Variants in ZEB1 observed in about 807,000 individuals in gnomAD.
ZEB1 encodes zinc finger E-box binding homeobox 1.
ZEB1 carries 21 observed loss-of-function variants against 84.9 expected under a neutral mutation model. The observed-to-expected ratio is 0.25, with a 90% CI of 0.18 to 0.36. The LOEUF is 0.36. ZEB1 is among the 10% of genes least tolerant of loss of function. The pLI is 1.00. For synonymous variants in ZEB1, 420 were observed against 471.1 expected, an observed-to-expected ratio of 0.89 and a Z score of 1.41; for missense variants, 1,104 against 1,330.2, an observed-to-expected ratio of 0.83 and a Z score of 2.65.
At chr10:31,342,441 A>G (rs901762887) in intron 1 of ZEB1, among the ~76,000 whole-genome samples, 1 of 152,100 alleles carries the variant, frequency 6.6e-6, no homozygotes, top group Admixed American at 6.6e-5. Flanking sequence ...ATCAGAGAGT[A>G]AAATGGTGGA....
intron 1 of ZEB1, among the ~76,000 whole-genome samples, chr10:31,417,765 A>G (rs2055466076): frequency 6.6e-6 from 1 of 152,002 alleles, no homozygotes; most frequent in African/African-American, 2.4e-5. Flanking sequence ...TGGTACTTTG[A>G]ACATAATAGG....
chr10:31,457,126 G>GTGA (rs2061330425), intron 1 of ZEB1, among the ~76,000 whole-genome samples: 1 of 152,126 alleles, frequency 6.6e-6, no homozygotes, highest in Non-Finnish European at 1.5e-5. Flanking sequence ...GAATCAAGAT[G>GTGA]TGATGATCAC....
At chr10:31,435,773 C>T (rs1343931731) in intron 1 of ZEB1, among the ~76,000 whole-genome samples, 1 of 152,120 alleles carries the variant, frequency 6.6e-6, no homozygotes, top group African/African-American at 2.4e-5. Context: ...CAATGGAAAG[C>T]CATTGAAAGG....
intron 1 of ZEB1, among the ~76,000 whole-genome samples, chr10:31,339,394 ATG>A (rs1258692268): frequency 1.3e-5 from 2 of 152,140 alleles, no homozygotes; most frequent in East Asian, 3.8e-4. Context: ...CTCTTTGCAC[ATG>A]TGTGGCATAT....
chr10:31,496,398 A>T (rs2067241115), intron 3 of ZEB1, among the ~76,000 whole-genome samples: 1 of 152,054 alleles, frequency 6.6e-6, no homozygotes, highest in African/African-American at 2.4e-5. Context: ...AAACAAGGAA[A>T]TTTGCTTTTA....
chr10:31,362,445 C>T (rs558251603), intron 1 of ZEB1, among the ~76,000 whole-genome samples: 12 of 146,270 alleles, frequency 8.2e-5, no homozygotes, highest in East Asian at 2.1e-4. Context: ...GCAGACGGGA[C>T]GGTGGCTGGG....
chr10:31,392,619 T>C (rs970019732), intron 1 of ZEB1, among the ~76,000 whole-genome samples: 8 of 152,068 alleles, frequency 5.3e-5, no homozygotes, highest in African/African-American at 1.9e-4. Flanking sequence ...TTTTTCTTTT[T>C]CTTGGTACTA....
intron 1 of ZEB1, among the ~76,000 whole-genome samples, chr10:31,350,400 C>A (rs16932344): frequency 0.052 from 7,858 of 152,072 alleles, 586 homozygotes; most frequent in East Asian, 0.18. Context: ...TATTCTTATT[C>A]CAAAGTGATT....
At chr10:31,382,644 T>C (rs2047900734) in intron 1 of ZEB1, among the ~76,000 whole-genome samples, 1 of 152,090 alleles carries the variant, frequency 6.6e-6, no homozygotes, top group African/African-American at 2.4e-5. Flanking sequence ...GAGAATACCT[T>C]TACATCTCAT....
At chr10:31,363,542 C>G in intron 1 of ZEB1, 1 of 1,528,422 alleles carries the variant, frequency 6.5e-7, no homozygotes, top group East Asian at 2.4e-5. Context: ...TCCTCCTGCC[C>G]CTGGGTCTCT....
chr10:31,369,580 C>T (rs1387352365), intron 1 of ZEB1, among the ~76,000 whole-genome samples: 2 of 152,136 alleles, frequency 1.3e-5, no homozygotes, highest in Non-Finnish European at 2.9e-5. Flanking sequence ...TCTGTATATA[C>T]CACATTTCCT....
intron 1 of ZEB1, among the ~76,000 whole-genome samples, chr10:31,331,600 T>C (rs2036809610): frequency 6.6e-6 from 1 of 152,172 alleles, no homozygotes. Flanking sequence ...AAGAAACCTT[T>C]AGAATACAGT....
rs1370177894 is a variant in ZEB1, at chr10:31,528,795, AAC to A, written c.*1533_*1534del. On this transcript the variant is annotated 3_prime_UTR_variant, in exon 9 of 9. Coordinates refer to ENST00000424869, the MANE Select transcript of ZEB1 (RefSeq NM_001174096.2). ...GTTCTCCTGCATTGAGATTTGATTT[AAC>A]AGTGTTATGTTAACATTTATACTTG... 2 of 152,188 alleles carry A rather than the reference AAC, an allele frequency of 1.3e-5. No individual in the cohort carries two copies. Among genetic ancestry groups the A allele is most frequent in the African/African-American group, 4.8e-5 (2 of 41,456 alleles). 9.4% of individuals were successfully genotyped at this position (152,188 alleles called of 1,614,324 possible).
rs575816647 is a variant in ZEB1, at chr10:31,367,034, C to T, written c.58+47742C>T. On this transcript the variant is annotated intron_variant, in intron 1 of 8. Coordinates refer to ENST00000424869, the MANE Select transcript of ZEB1 (RefSeq NM_001174096.2). The stretch of plus-strand genomic sequence containing the variant: ...TCCAAGAAGTAATGAAGTATATAAG[C>T]TTCTTCAACTCTTTGTTGAGCCCGG... Among the ~76,000 whole-genome samples, 43 of 152,250 alleles carry T rather than the reference C, an allele frequency of 2.8e-4. No individual in the cohort carries two copies. In the South Asian group the frequency reaches 7.5e-3, roughly 26 times the overall value.
At chr10:31,464,637 A>AATTTTC (rs2062178488) in intron 2 of ZEB1, among the ~76,000 whole-genome samples, 1 of 152,230 alleles carries the variant, frequency 6.6e-6, no homozygotes, top group African/African-American at 2.4e-5. Flanking sequence ...ACAGTTTTGA[A>AATTTTC]AGCAGCAAAA....
intron 2 of ZEB1, among the ~76,000 whole-genome samples, chr10:31,464,812 T>C (rs937435445): frequency 2.6e-5 from 4 of 152,162 alleles, no homozygotes; most frequent in Non-Finnish European, 5.9e-5. Flanking sequence ...AGAAATACTT[T>C]CCCAAAAACA....
At chr10:31,385,588 A>G (rs941199301) in intron 1 of ZEB1, among the ~76,000 whole-genome samples, 34 of 149,576 alleles carry the variant, frequency 2.3e-4, no homozygotes, top group Admixed American at 1.2e-3. Flanking sequence ...GTGCAGTGGC[A>G]CAGTCTCAGC....
intron 4 of ZEB1, among the ~76,000 whole-genome samples, chr10:31,504,774 A>G (rs1267380504): frequency 6.6e-6 from 1 of 152,056 alleles, no homozygotes; most frequent in Admixed American, 6.6e-5. Context: ...TGGTGTACAG[A>G]AACACTGCTG....
At chr10:31,458,332 TGTGTTG>T (rs1167017940) in intron 1 of ZEB1, among the ~76,000 whole-genome samples, 3 of 102,620 alleles carry the variant, frequency 2.9e-5, no homozygotes, top group East Asian at 2.8e-4. Context: ...TGTGTGTGTG[TGTGTTG>T]TGTGTGTGTG....
Sources: allele counts gnomAD v4.1 joint callset (sites outside exome capture counted in the v4.1 genomes callset), GRCh38; gene constraint gnomAD v4.1.1; transcripts MANE v1.5; gene names NCBI Gene and HGNC (gene_info 2026-07-23, HGNC 2026-07-21).